NCKAP5: variants seen among roughly 807,000 people sequenced by gnomAD.
NCKAP5 encodes nck-associated protein 5.
Under a neutral mutation model 167.0 loss-of-function variants are expected in NCKAP5, and 92 were observed. The ratio of observed to expected loss-of-function variants is 0.55; its 90% confidence interval spans 0.47 to 0.66. NCKAP5 has a LOEUF of 0.66. Among genes scored for constraint, NCKAP5 ranks in the 30% least tolerant of loss-of-function variants. NCKAP5 has a pLI of 0.00. For synonymous variants in NCKAP5, 891 were observed against 877.4 expected, an observed-to-expected ratio of 1.02 and a Z score of -0.27; for missense variants, 2,378 against 2,315.0, an observed-to-expected ratio of 1.03 and a Z score of -0.56.
At chr2:132,965,080 A>T (rs2149212155) in intron 7 of NCKAP5, among the ~76,000 whole-genome samples, 1 of 152,340 alleles carries the variant, frequency 6.6e-6, no homozygotes, top group East Asian at 1.9e-4. Context: ...TTAGACCACA[A>T]AGTCAGTGAA....
At chr2:133,173,983 T>TC (rs935967005) in intron 5 of NCKAP5, among the ~76,000 whole-genome samples, 12 of 151,902 alleles carry the variant, frequency 7.9e-5, no homozygotes, top group African/African-American at 2.7e-4. Flanking sequence ...ACGCTTTTTT[T>TC]CCCCCAGTGA....
intron 4 of NCKAP5, among the ~76,000 whole-genome samples, chr2:133,283,464 C>A (rs186911349): frequency 6.6e-6 from 1 of 151,976 alleles, no homozygotes; most frequent in East Asian, 1.9e-4. Flanking sequence ...TTTATGACTC[C>A]CTTTTATTTA....
At chr2:133,410,875 A>C (rs1045662274) in intron 3 of NCKAP5, among the ~76,000 whole-genome samples, 2 of 152,210 alleles carry the variant, frequency 1.3e-5, no homozygotes, top group Non-Finnish European at 2.9e-5. Context: ...CCAAGACTAC[A>C]ACAGAATCTC....
chr2:133,617,812 T>G, the NCKAP5 span, among the ~76,000 whole-genome samples: 2 of 150,906 alleles, frequency 1.3e-5, no homozygotes, highest in Non-Finnish European at 3.0e-5. Context: ...ACTTTAAAAT[T>G]CATATGGAAC....
chr2:133,533,718 G>C (rs927394528), intron 2 of NCKAP5, among the ~76,000 whole-genome samples: 1 of 152,104 alleles, frequency 6.6e-6, no homozygotes, highest in Admixed American at 6.6e-5. Flanking sequence ...AGTTCTGAAA[G>C]CACAAAGGTT....
At chr2:132,708,962 T>C (rs1271335847) in intron 19 of NCKAP5, among the ~76,000 whole-genome samples, 1 of 152,158 alleles carries the variant, frequency 6.6e-6, no homozygotes, top group Non-Finnish European at 1.5e-5. Flanking sequence ...TTAAGGATCC[T>C]TTCTCTTCTC....
At chr2:133,485,497 G>T (rs955443958) in intron 3 of NCKAP5, among the ~76,000 whole-genome samples, 1 of 152,062 alleles carries the variant, frequency 6.6e-6, no homozygotes, top group Non-Finnish European at 1.5e-5. Flanking sequence ...AAACTAATAG[G>T]GTCTCCAAAC....
intron 16 of NCKAP5, among the ~76,000 whole-genome samples, chr2:132,766,934 G>A (rs768998897): frequency 2.0e-5 from 3 of 152,188 alleles, no homozygotes; most frequent in Non-Finnish European, 2.9e-5. Flanking sequence ...CTGTGGATTA[G>A]ATACTTTATG....
At chr2:133,261,268 C>T (rs1377723632) in intron 4 of NCKAP5, among the ~76,000 whole-genome samples, 1 of 152,122 alleles carries the variant, frequency 6.6e-6, no homozygotes, top group South Asian at 2.1e-4. Flanking sequence ...GTTTTCCAAA[C>T]GATTCAAAGT....
intron 19 of NCKAP5, among the ~76,000 whole-genome samples, chr2:132,700,920 A>G (rs1350110663): frequency 2.5e-5 from 2 of 78,688 alleles, no homozygotes; most frequent in African/African-American, 6.8e-5. Flanking sequence ...GCTGGTTACA[A>G]TCCCCTGGGC....
intron 5 of NCKAP5, among the ~76,000 whole-genome samples, chr2:133,168,725 C>T (rs2084110861): frequency 6.6e-6 from 1 of 152,164 alleles, no homozygotes. Context: ...ATAATACATA[C>T]ATTTTCAATT....
chr2:133,364,433 CTCTTTA>C (rs1685322408), intron 3 of NCKAP5, among the ~76,000 whole-genome samples: 1 of 152,106 alleles, frequency 6.6e-6, no homozygotes, highest in Non-Finnish European at 1.5e-5. Context: ...GTACAGAATT[CTCTTTA>C]TATCTCCCAT....
At chr2:133,345,099 T>C (rs1304095313) in intron 3 of NCKAP5, among the ~76,000 whole-genome samples, 1 of 152,032 alleles carries the variant, frequency 6.6e-6, no homozygotes, top group African/African-American at 2.4e-5. Context: ...GAGGTGTGAA[T>C]CATTGCCCCA....
chr2:133,474,839 C>T (rs925364896), intron 3 of NCKAP5, among the ~76,000 whole-genome samples: 3 of 151,754 alleles, frequency 2.0e-5, no homozygotes, highest in African/African-American at 7.3e-5. Context: ...GAGACACAGT[C>T]TTGCTCTGTT....
intron 11 of NCKAP5, among the ~76,000 whole-genome samples, chr2:132,807,216 G>C (rs1414652090): frequency 6.6e-6 from 1 of 151,988 alleles, no homozygotes; most frequent in African/African-American, 2.4e-5. Context: ...TGTTATTTTT[G>C]TTTAGTCTTG....
intron 7 of NCKAP5, among the ~76,000 whole-genome samples, chr2:132,970,969 C>T (rs573297127): frequency 6.6e-6 from 1 of 152,304 alleles, no homozygotes; most frequent in South Asian, 2.1e-4. Flanking sequence ...CACAGGAGGA[C>T]TCAATCAATA....
intron 3 of NCKAP5, among the ~76,000 whole-genome samples, chr2:133,422,367 T>C (rs1373250173): frequency 2.0e-5 from 3 of 152,212 alleles, no homozygotes; most frequent in Non-Finnish European, 4.4e-5. Context: ...TTGTTGTTGT[T>C]TTTTTGTTTT....
chr2:132,975,287 T>C (rs1371461157), intron 7 of NCKAP5, among the ~76,000 whole-genome samples: 2 of 152,196 alleles, frequency 1.3e-5, no homozygotes, highest in Admixed American at 1.3e-4. Context: ...ATTAAATGTG[T>C]ATGATGGATA....
intron 5 of NCKAP5, among the ~76,000 whole-genome samples, chr2:133,202,175 T>C (rs1404039249): frequency 6.6e-6 from 1 of 152,172 alleles, no homozygotes; most frequent in Non-Finnish European, 1.5e-5. Context: ...ATGGTACTGG[T>C]ACCACAACAG....
Sources: allele counts gnomAD v4.1 joint callset (sites outside exome capture counted in the v4.1 genomes callset), GRCh38; gene constraint gnomAD v4.1.1; transcripts MANE v1.5; gene names NCBI Gene and HGNC (gene_info 2026-07-23, HGNC 2026-07-21).